Variants in SPARCL1 observed in about 807,000 individuals in gnomAD.
SPARCL1 encodes SPARC like 1.
A neutral mutation model predicts 67.1 loss-of-function variants in SPARCL1; 52 were observed. The ratio of observed to expected loss-of-function variants is 0.78; its 90% CI spans 0.62 to 0.98. The LOEUF (loss-of-function observed/expected upper bound fraction) is 0.98. SPARCL1 is among the 50% of genes least tolerant of loss of function. The pLI is 0.00. For synonymous variants in SPARCL1, 226 were observed against 267.8 expected (o/e 0.84, Z 1.52); for missense variants, 717 against 782.4 (o/e 0.92, Z 1.00).
intron 1 of SPARCL1, among the ~76,000 whole-genome samples, chr4:87,517,993 G>A (rs1031696706): frequency 2.0e-5 from 3 of 152,128 alleles, no homozygotes; most frequent in Admixed American, 6.5e-5. Context: ...GATTCAGATC[G>A]TGGTCCAAGC....
At chr4:87,474,699 T>C (rs1723492333) in intron 10 of SPARCL1, among the ~76,000 whole-genome samples, 3 of 151,730 alleles carry the variant, frequency 2.0e-5, no homozygotes, top group Admixed American at 2.0e-4. Context: ...TCTAGAACAG[T>C]GCCTGCATTT....
chr4:87,515,854 C>T (rs2110258724), intron 1 of SPARCL1, among the ~76,000 whole-genome samples: 1 of 152,308 alleles, frequency 6.6e-6, no homozygotes, highest in East Asian at 1.9e-4. Context: ...ACATGAGTAA[C>T]TGCCTTGAGA....
intron 1 of SPARCL1, among the ~76,000 whole-genome samples, chr4:87,514,077 C>T (rs572741883): frequency 3.6e-4 from 55 of 152,208 alleles, no homozygotes; most frequent in Non-Finnish European, 6.9e-4. Context: ...GCCTGTAATC[C>T]CAGCTACTTG....
intron 1 of SPARCL1, among the ~76,000 whole-genome samples, chr4:87,523,407 CAT>C: frequency 6.6e-6 from 1 of 152,272 alleles, no homozygotes; most frequent in Non-Finnish European, 1.5e-5. Context: ...GTTGGAATCA[CAT>C]AGTTTTAGAA....
chr4:87,486,344 A>AG (rs1724058060), intron 7 of SPARCL1, among the ~76,000 whole-genome samples: 1 of 152,188 alleles, frequency 6.6e-6, no homozygotes, highest in Admixed American at 6.5e-5. Flanking sequence ...ATTCAGGAGC[A>AG]GGTTGTTCAG....
intron 5 of SPARCL1, 125 bp downstream of exon 5, chr4:87,491,493 G>T: frequency 1.3e-6 from 1 of 776,962 alleles, no homozygotes; most frequent in Non-Finnish European, 2.3e-6. Flanking sequence ...GCATTTCCTT[G>T]GGGAGGACTG....
rs1361359272 is a variant in SPARCL1, at chr4:87,487,602, T to G, written c.1531+2671A>C. ...TTGCTCTTCGTGAGGATTATCTTTG[T>G]GGTGTTCTCCGTATTTGCTGAATTT... On this transcript the variant is annotated intron_variant, in intron 7 of 10. Coordinates refer to ENST00000282470, the MANE Select transcript of SPARCL1 (RefSeq NM_004684.6). Among the ~76,000 whole-genome samples, 4 of 152,218 alleles carry G rather than the reference T, an allele frequency of 2.6e-5. No homozygotes were observed. In the East Asian group the frequency reaches 7.7e-4, roughly 29 times the overall value.
chr4:87,504,203 GTT>G (rs1724983699), intron 1 of SPARCL1, among the ~76,000 whole-genome samples: 5 of 126,538 alleles, frequency 4.0e-5, no homozygotes, highest in Non-Finnish European at 6.7e-5. Flanking sequence ...GGGTGGGAGG[GTT>G]GAATCAGGGG....
At position 87,493,440 on chromosome 4, in the gene SPARCL1, C is replaced by T. The variant is rs545777114; in HGVS notation, c.1218+142G>A. The T allele has an allele frequency of 2.3e-4, 155 of 686,328 alleles. No individual in the cohort carries two copies. The South Asian group carries it at 4.7e-3, about 21-fold the overall frequency. 42.5% of individuals were successfully genotyped at this position (686,328 alleles called of 1,614,324 possible). A position where few individuals can be genotyped will look rare whatever the true frequency, so the allele number is the denominator to read the frequency against. On this transcript the variant is annotated intron_variant, in intron 4 of 10. Coordinates refer to ENST00000282470, the MANE Select transcript of SPARCL1 (RefSeq NM_004684.6). ...TCTCAGCCTAATGATAGAGATAGAC[C>T]TAAAAAGAAATAACTGTAATATATT...
At chr4:87,488,666 C>T (rs1204352445) in intron 7 of SPARCL1, among the ~76,000 whole-genome samples, 1 of 152,218 alleles carries the variant, frequency 6.6e-6, no homozygotes. Flanking sequence ...CAGGCAGGAA[C>T]ATTTAAGTCT....
chr4:87,495,759 G>T (rs572195326), intron 2 of SPARCL1, among the ~76,000 whole-genome samples: 1 of 151,996 alleles, frequency 6.6e-6, no homozygotes. Flanking sequence ...GTGAAACCCC[G>T]TCTCTACTAA....
rs147529286 is a variant in SPARCL1 at position 87,482,603 on chromosome 4, G to T, written c.1532-43C>A. Reference sequence around the variant, plus strand: ...TGTACTGTAATCTTTGGGCTTATTTGTGTCCTATGGCAAGTCCTCATAATA... The same window carrying T: ...TGTACTGTAATCTTTGGGCTTATTTTTGTCCTATGGCAAGTCCTCATAATA... On this transcript the variant is annotated intron_variant, in intron 7 of 10. Transcript: ENST00000282470. 3.0e-4 allele frequency: 477 copies of T among 1,610,268 alleles called. No individual in the cohort carries two copies. In the African/African-American group the frequency reaches 5.9e-3, roughly 20 times the overall value.
intron 10 of SPARCL1, among the ~76,000 whole-genome samples, chr4:87,478,390 T>C (rs753503960): frequency 2.0e-5 from 3 of 152,024 alleles, no homozygotes; most frequent in Non-Finnish European, 4.4e-5. Context: ...TGTGTGTGTG[T>C]GGTGAGAATT....
At chr4:87,514,207 A>G (rs181714441) in intron 1 of SPARCL1, among the ~76,000 whole-genome samples, 1 of 152,336 alleles carries the variant, frequency 6.6e-6, no homozygotes, top group East Asian at 1.9e-4. Context: ...AAAAAAGATT[A>G]TTCCTGAATT....
In SPARCL1 at chr4:87,494,061, A is replaced by G. The variant is rs1724494504; in HGVS notation, c.739T>C (p.Ser247Pro). 6.2e-7 allele frequency: 1 copy of G among 1,613,636 alleles called. No homozygotes were observed. Among genetic ancestry groups the G allele is most frequent in the Non-Finnish European group, 8.5e-7 (1 of 1,179,940 alleles). The change falls in exon 4 of 11, where the codon TCT (serine) becomes CCT (proline). Residue 247 changes from serine to proline, a missense_variant. Ser to Pro is a moderately conservative substitution (Grantham distance 74, BLOSUM62 -1). Transcript: ENST00000282470. ...NTQSDDILEE[S>P]DQPTQVSKMQ... ...TTGCTTACTTGAGTTGGTTGATCAG[A>G]CTCTTCCAAAATATCATCAGATTGG...
At chr4:87,510,929 A>G (rs1386690785) in intron 1 of SPARCL1, among the ~76,000 whole-genome samples, 3 of 152,224 alleles carry the variant, frequency 2.0e-5, no homozygotes, top group Non-Finnish European at 4.4e-5. Flanking sequence ...TGAGGGGCCC[A>G]CATGGAGTTT....
chr4:87,528,958 G>A (rs1021767346), intron 1 of SPARCL1, 87 bp downstream of exon 1: 10 of 152,052 alleles, frequency 6.6e-5, no homozygotes, highest in African/African-American at 1.9e-4. Context: ...GTATTATTTA[G>A]GCAAAAATAT....
At chr4:87,500,329 G>A (rs1724793186) in intron 1 of SPARCL1, among the ~76,000 whole-genome samples, 2 of 152,114 alleles carry the variant, frequency 1.3e-5, no homozygotes, top group Non-Finnish European at 2.9e-5. Context: ...AGTTAGTTCC[G>A]AACGAACTCT....
intron 10 of SPARCL1, among the ~76,000 whole-genome samples, chr4:87,474,743 C>CTTT (rs11397474): frequency 0.19 from 24,329 of 130,160 alleles, 2,823 homozygotes; most frequent in Admixed American, 0.23. Flanking sequence ...CTCTCTCTCT[C>CTTT]TTTTTTTTTT....
Sources: allele counts gnomAD v4.1 joint callset (sites outside exome capture counted in the v4.1 genomes callset), GRCh38; gene constraint gnomAD v4.1.1; transcripts MANE v1.5; gene names NCBI Gene and HGNC (gene_info 2026-07-23, HGNC 2026-07-21).